RGS21: variants seen among roughly 807,000 people sequenced by gnomAD.
RGS21 encodes the protein regulator of G-protein signalling 21.
Under a neutral mutation model 18.7 loss-of-function variants are expected in RGS21, and 19 were observed. The ratio of observed to expected loss-of-function variants is 1.01; its 90% CI spans 0.71 to 1.49. The LOEUF (loss-of-function observed/expected upper bound fraction) is 1.49. Among genes scored for constraint, RGS21 ranks in the 40% most tolerant of loss-of-function variants. RGS21 has a pLI of 0.00. For missense variants in RGS21, 194 were observed against 176.8 expected (o/e 1.10, Z -0.55); for synonymous variants, 56 against 57.8 (o/e 0.97, Z 0.14).
At chr1:192,353,087 C>T (rs1378974114) in intron 4 of RGS21, among the ~76,000 whole-genome samples, 2 of 151,942 alleles carry the variant, frequency 1.3e-5, no homozygotes, top group Non-Finnish European at 2.9e-5. Context: ...ATGCTGACAT[C>T]TTTATAAGTG....
chr1:192,317,481 T>A (rs1457206436), intron 1 of RGS21, among the ~76,000 whole-genome samples: 3 of 149,172 alleles, frequency 2.0e-5, no homozygotes, highest in African/African-American at 7.5e-5. Flanking sequence ...TTTTCTTATA[T>A]CCTTTTGGAA....
intron 4 of RGS21, among the ~76,000 whole-genome samples, chr1:192,364,487 T>C (rs918545743): frequency 1.3e-5 from 2 of 152,170 alleles, no homozygotes; most frequent in African/African-American, 4.8e-5. Context: ...ATAGGTGCTA[T>C]TACTATTCTC....
rs80321286 is a variant in RGS21 at position 192,333,139 on chromosome 1, T to C, written c.-60-9838T>C. Reference sequence around the variant, plus strand: ...GAGTTATCACTGCCGATCTAGGTAATAGAACAGATAAAAATGTCTTTAATG... The same window carrying C: ...GAGTTATCACTGCCGATCTAGGTAACAGAACAGATAAAAATGTCTTTAATG... On this transcript the variant is annotated intron_variant, in intron 1 of 4. Coordinates refer to ENST00000417209, the MANE Select transcript of RGS21 (RefSeq NM_001039152.3). Among the ~76,000 whole-genome samples the C allele has an allele frequency of 0.012, 1,824 of 152,016 alleles. 72 individuals carry two copies. In the East Asian group the frequency reaches 0.14, roughly 12 times the overall value.
At chr1:192,355,649 G>C (rs1196399269) in intron 4 of RGS21, among the ~76,000 whole-genome samples, 2 of 151,328 alleles carry the variant, frequency 1.3e-5, no homozygotes, top group Admixed American at 6.6e-5. Flanking sequence ...TAATAATGTG[G>C]GAGTGGCAAA....
intron 4 of RGS21, among the ~76,000 whole-genome samples, chr1:192,359,370 C>G (rs550235761): frequency 6.0e-4 from 92 of 152,146 alleles, no homozygotes; most frequent in African/African-American, 2.1e-3. Context: ...TTCCAAGCAA[C>G]TCAGGAGTGC....
intron 3 of RGS21, among the ~76,000 whole-genome samples, chr1:192,350,989 T>C (rs995087722): frequency 6.6e-6 from 1 of 152,190 alleles, no homozygotes; most frequent in African/African-American, 2.4e-5. Context: ...AATCACCGAC[T>C]GCAAGCCCTG....
intron 1 of RGS21, among the ~76,000 whole-genome samples, chr1:192,317,411 A>G (rs115845143): frequency 1.8e-3 from 278 of 151,946 alleles, no homozygotes; most frequent in Non-Finnish European, 3.4e-3. Flanking sequence ...AGATAGGATT[A>G]TAGAACCCAT....
intron 1 of RGS21, among the ~76,000 whole-genome samples, chr1:192,340,535 T>C (rs1411137999): frequency 6.6e-6 from 1 of 152,002 alleles, no homozygotes; most frequent in Admixed American, 6.6e-5. Context: ...AAGAGAGGAG[T>C]TCCCTAGATG....
At chr1:192,337,903 A>G (rs1658796966) in intron 1 of RGS21, among the ~76,000 whole-genome samples, 1 of 152,160 alleles carries the variant, frequency 6.6e-6, no homozygotes, top group Admixed American at 6.6e-5. Flanking sequence ...AAGAAAAGAC[A>G]TTTTTACTTA....
rs77717909 is a variant in RGS21 at position 192,342,527 on chromosome 1, T to C, written c.-60-450T>C. Among the ~76,000 whole-genome samples the C allele has an allele frequency of 1.9e-3, 289 of 152,054 alleles. 1 individual carries two copies. Among genetic ancestry groups the C allele is most frequent in the African/African-American group, 6.7e-3 (279 of 41,530 alleles). The stretch of plus-strand genomic sequence containing the variant: ...AAAATTGCTTAAATAGTTAAACATA[T>C]ATAGTTGTTTAAGATAAGTATACTA... On this transcript the variant is annotated intron_variant, in intron 1 of 4. Coordinates refer to ENST00000417209, the MANE Select transcript of RGS21 (RefSeq NM_001039152.3).
chr1:192,331,739 AAAT>A (rs1318085151), intron 1 of RGS21, among the ~76,000 whole-genome samples: 4 of 152,080 alleles, frequency 2.6e-5, no homozygotes, highest in Admixed American at 6.5e-5. Flanking sequence ...TGAGTTAGAA[AAAT>A]AATAAAACAT....
At chr1:192,333,455 A>C (rs1658690981) in intron 1 of RGS21, among the ~76,000 whole-genome samples, 2 of 152,068 alleles carry the variant, frequency 1.3e-5, no homozygotes. Context: ...TGAATGATTA[A>C]ATTAACAGTG....
At chr1:192,335,000 C>A (rs1658744267) in intron 1 of RGS21, among the ~76,000 whole-genome samples, 1 of 152,004 alleles carries the variant, frequency 6.6e-6, no homozygotes, top group Admixed American at 6.6e-5. Flanking sequence ...TATTTATCAC[C>A]ATATCTGGAC....
intron 4 of RGS21, among the ~76,000 whole-genome samples, chr1:192,361,188 A>G (rs748881307): frequency 6.6e-6 from 1 of 152,174 alleles, no homozygotes; most frequent in Non-Finnish European, 1.5e-5. Context: ...CATATTATTT[A>G]CAGTTAAAAT....
intron 1 of RGS21, among the ~76,000 whole-genome samples, chr1:192,335,424 C>A (rs74528853): frequency 1.1e-3 from 162 of 152,190 alleles, no homozygotes; most frequent in Non-Finnish European, 1.7e-3. Context: ...TACTTAAGAA[C>A]CTCTTCCTCA....
chr1:192,350,333 T>C (rs1659022126), intron 3 of RGS21, among the ~76,000 whole-genome samples: 1 of 152,214 alleles, frequency 6.6e-6, no homozygotes, highest in Admixed American at 6.5e-5. Flanking sequence ...TCCTTTTCTA[T>C]TTTATTTCTA....
At chr1:192,324,653 C>T (rs1658542096) in intron 1 of RGS21, among the ~76,000 whole-genome samples, 1 of 151,914 alleles carries the variant, frequency 6.6e-6, no homozygotes, top group Admixed American at 6.6e-5. Flanking sequence ...GGCATTCACA[C>T]ACACACATAA....
chr1:192,344,083 A>G (rs910662466), intron 2 of RGS21, among the ~76,000 whole-genome samples: 4 of 152,224 alleles, frequency 2.6e-5, no homozygotes, highest in Non-Finnish European at 5.9e-5. Context: ...TTGATAGTGT[A>G]CAAGCTTTAA....
At position 192,347,406 on chromosome 1, in the gene RGS21, A is replaced by C. The variant is rs1460668173; in HGVS notation, c.88+17A>C. The C allele has an allele frequency of 1.7e-6, 2 of 1,204,220 alleles. No homozygotes were observed. The highest frequency in any genetic ancestry group is 2.5e-6 in the Non-Finnish European group (2 of 810,102). 74.6% of individuals were successfully genotyped at this position (1,204,220 alleles called of 1,614,324 possible). On this transcript the variant is annotated intron_variant, in intron 3 of 4. Transcript: ENST00000417209. ...CCAACCAAGGTAAGATTTAACTAATAATAGGCTTAAAATACAATAATTAAA... is the reference window on the plus strand; with the variant it reads ...CCAACCAAGGTAAGATTTAACTAATCATAGGCTTAAAATACAATAATTAAA...
Sources: gnomAD v4.1 joint callset for allele counts (sites outside exome capture counted in the v4.1 genomes callset) on GRCh38, gnomAD v4.1.1 for gene constraint, MANE v1.5 for transcripts, NCBI Gene and HGNC (gene_info 2026-07-23, HGNC 2026-07-21) for gene names.